Variants in ARRDC1 observed in about 807,000 individuals in gnomAD.
The protein encoded by ARRDC1 is arrestin domain-containing protein 1.
In ARRDC1, 37 loss-of-function variants were observed where a neutral mutation model predicts 40.1. That is an observed-to-expected ratio of 0.92 (90% CI 0.71 to 1.21). The LOEUF (loss-of-function observed/expected upper bound fraction) is 1.21, where lower values mean the gene tolerates loss of function less well. ARRDC1 is among the 50% of genes most tolerant of loss of function. The pLI is 0.00. For synonymous variants in ARRDC1, 310 were observed against 262.5 expected, an observed-to-expected ratio of 1.18 and a Z score of -1.75; for missense variants, 641 against 581.9, an observed-to-expected ratio of 1.10 and a Z score of -1.04.
At position 137,615,095 on chromosome 9, in the gene ARRDC1, A is replaced by AG. The variant is rs1842647961; in HGVS notation, c.1260dup (p.Ser421GlufsTer12). On this transcript the variant is annotated frameshift_variant, in exon 8 of 8. Coordinates refer to ENST00000371421, the MANE Select transcript of ARRDC1 (RefSeq NM_152285.4). LOFTEE classifies it high-confidence loss of function. ...GCAGAGGCCCCACCGTCTTATGAGCAGAGCTGCGGCGGCGTGGAACCCAGC... is the reference window on the plus strand; with the variant it reads ...GCAGAGGCCCCACCGTCTTATGAGCAGGAGCTGCGGCGGCGTGGAACCCAGC... 5 of 1,574,096 alleles carry AG rather than the reference A, an allele frequency of 3.2e-6. No individual in the cohort carries two copies. The highest frequency in any genetic ancestry group is 1.8e-5 in the Admixed American group (1 of 56,294).
At chr9:137,610,466 G>A (rs933524903) in intron 1 of ARRDC1, among the ~76,000 whole-genome samples, 1 of 152,038 alleles carries the variant, frequency 6.6e-6, no homozygotes, top group Non-Finnish European at 1.5e-5. Context: ...TGCGATCTCA[G>A]CTCACTGCAA....
intron 6 of ARRDC1, 30 bp from the exon 7 acceptor site, chr9:137,614,529 C>A: frequency 5.6e-6 from 9 of 1,612,990 alleles, no homozygotes; most frequent in Non-Finnish European, 7.6e-6. Context: ...TTGGCCCTGG[C>A]CCCTCATGCC....
chr9:137,610,859 G>A (rs1179441576), intron 1 of ARRDC1, among the ~76,000 whole-genome samples: 3 of 151,678 alleles, frequency 2.0e-5, no homozygotes, highest in Admixed American at 6.6e-5. Flanking sequence ...CACCGTGCCC[G>A]GCCTTTTTTG....
intron 1 of ARRDC1, among the ~76,000 whole-genome samples, chr9:137,606,045 G>A (rs1245081166): frequency 1.3e-5 from 2 of 151,802 alleles, no homozygotes; most frequent in Non-Finnish European, 2.9e-5. Flanking sequence ...TCGCCGAGGG[G>A]CGGCGGGGTC....
At chr9:137,612,778 C>T (rs995206907) in intron 1 of ARRDC1, 118 bp from the exon 2 acceptor site, 3 of 717,426 alleles carry the variant, frequency 4.2e-6, no homozygotes, top group African/African-American at 3.6e-5. Flanking sequence ...GCTCACTGGC[C>T]TTCCCAGGAC....
At position 137,614,226 on chromosome 9, in the gene ARRDC1, C is replaced by G. The variant is rs371069629; in HGVS notation, c.618+12C>G. On this transcript the variant is annotated intron_variant, in intron 5 of 7. Coordinates refer to ENST00000371421, the MANE Select transcript of ARRDC1 (RefSeq NM_152285.4). ...CCAGTCTGCTGCAGGTCAGAGCCCC[C>G]GCCAGTTGCCTGGACCGGCCTCCTG... 2 of 1,583,084 alleles carry G rather than the reference C, an allele frequency of 1.3e-6. No homozygotes were observed. Among genetic ancestry groups the G allele is most frequent in the Non-Finnish European group, 1.7e-6 (2 of 1,160,842 alleles).
Position 137,613,787 on chromosome 9 carries a change from A to T in ARRDC1, c.435+18A>T. ...ACATTGAGGTGAGGATGGCACAGTG[A>T]CCTCCTTGGTGGGTCCCCACCCTCA... On this transcript the variant is annotated intron_variant, in intron 4 of 7. Coordinates refer to ENST00000371421, the MANE Select transcript of ARRDC1 (RefSeq NM_152285.4). The T allele has an allele frequency of 6.2e-7, 1 of 1,613,224 alleles. No individual in the cohort carries two copies. Among genetic ancestry groups the T allele is most frequent in the Non-Finnish European group, 8.5e-7 (1 of 1,179,496 alleles).
chr9:137,610,244 C>T (rs566545221), intron 1 of ARRDC1, among the ~76,000 whole-genome samples: 46 of 152,278 alleles, frequency 3.0e-4, no homozygotes, highest in African/African-American at 1.0e-3. Context: ...TATCTCACAG[C>T]GTTGTGGGTT....
intron 1 of ARRDC1, among the ~76,000 whole-genome samples, chr9:137,606,952 C>A (rs1023330078): frequency 6.6e-6 from 1 of 152,198 alleles, no homozygotes; most frequent in African/African-American, 2.4e-5. Flanking sequence ...AAGGGACGGC[C>A]CCGCGGTGCG....
At position 137,615,160 on chromosome 9, in the gene ARRDC1, C is replaced by A; in HGVS notation, c.*22C>A. The A allele has an allele frequency of 6.6e-7, 1 of 1,511,172 alleles. No individual in the cohort carries two copies. The highest frequency in any genetic ancestry group is 8.8e-7 in the Non-Finnish European group (1 of 1,131,214). The allele number at this position is 1,511,172 out of a possible 1,614,324, so 93.6% of individuals were successfully genotyped here. A position where few individuals can be genotyped will look rare whatever the true frequency, so the allele number is the denominator to read the frequency against. On this transcript the variant is annotated 3_prime_UTR_variant, in exon 8 of 8. Transcript: ENST00000371421. ...CTGACCCCGTGCTGCCTTCTCCAGGCAGGCCTGGCCTCTGCCCTGGGACTG... is the reference window on the plus strand; with the variant it reads ...CTGACCCCGTGCTGCCTTCTCCAGGAAGGCCTGGCCTCTGCCCTGGGACTG...
intron 1 of ARRDC1, 134 bp from the exon 2 acceptor site, chr9:137,612,762 C>T: frequency 1.5e-6 from 1 of 649,916 alleles, no homozygotes. Flanking sequence ...GTGGCATGGG[C>T]TGCTTGCTCA....
At chr9:137,613,289 C>T (rs769064752) in intron 2 of ARRDC1, 171 bp from the exon 3 acceptor site, 14 of 812,200 alleles carry the variant, frequency 1.7e-5, no homozygotes, top group Non-Finnish European at 2.6e-5. Flanking sequence ...AAGCTCTTAT[C>T]CTCAGTCCTT....
chr9:137,614,055 CAAG>C lies in ARRDC1; in HGVS notation c.463_465del (p.Lys155del), dbSNP rs777847543. On this transcript the variant is annotated inframe_deletion, in exon 5 of 8. Coordinates refer to ENST00000371421, the MANE Select transcript of ARRDC1 (RefSeq NM_152285.4). ...AGCAACCCAACGTGGCCTCTGCCAC[CAAG>C]AAGTTCTCCTACAAGCTGGTGAAGA... 5.6e-6 allele frequency: 9 copies of C among 1,613,718 alleles called. No homozygotes were observed. Among genetic ancestry groups the C allele is most frequent in the East Asian group, 4.5e-5 (2 of 44,894 alleles).
chr9:137,609,359 C>T (rs1396790457), intron 1 of ARRDC1, among the ~76,000 whole-genome samples: 3 of 152,076 alleles, frequency 2.0e-5, no homozygotes, highest in Non-Finnish European at 4.4e-5. Context: ...CTCAGACTCC[C>T]GAGTAGCTGG....
rs767794828 is a variant in ARRDC1 at position 137,614,048 on chromosome 9, C to G, written c.452C>G (p.Ser151Cys). Residue 151 changes from serine (S) to cysteine (C), a missense_variant, in exon 5 of 8, where the codon TCT (serine) becomes TGT (cysteine). Coordinates refer to ENST00000371421, the MANE Select transcript of ARRDC1 (RefSeq NM_152285.4). ...CCCCCCAAGCAACCCAACGTGGCCT[C>G]TGCCACCAAGAAGTTCTCCTACAAG... is the stretch of plus-strand genomic sequence containing the variant. ...IPDIEQPNVA[S>C]ATKKFSYKLV... 26 of 1,613,688 alleles carry G rather than the reference C, an allele frequency of 1.6e-5. No individual in the cohort carries two copies. The highest frequency in any genetic ancestry group is 8.5e-7 in the Non-Finnish European group (1 of 1,179,992).
chr9:137,613,790 T>C, intron 4 of ARRDC1, 21 bp downstream of exon 4: 1 of 1,613,122 alleles, frequency 6.2e-7, no homozygotes, highest in African/African-American at 1.3e-5. Context: ...CACAGTGACC[T>C]CCTTGGTGGG....
At chr9:137,607,027 C>G (rs1053365496) in intron 1 of ARRDC1, among the ~76,000 whole-genome samples, 11 of 152,234 alleles carry the variant, frequency 7.2e-5, no homozygotes, top group Non-Finnish European at 1.5e-4. Flanking sequence ...GTTGAATGCT[C>G]ACGCCTGTAA....
At chr9:137,611,229 G>A (rs1382311259) in intron 1 of ARRDC1, among the ~76,000 whole-genome samples, 2 of 152,154 alleles carry the variant, frequency 1.3e-5, no homozygotes, top group Admixed American at 1.3e-4. Context: ...GCCCGAGGAG[G>A]GCCTGGCTAA....
intron 1 of ARRDC1, among the ~76,000 whole-genome samples, chr9:137,608,084 G>T (rs1588984200): frequency 6.6e-6 from 1 of 152,084 alleles, no homozygotes; most frequent in African/African-American, 2.4e-5. Context: ...CCCGGTTCAC[G>T]CCATTCTCCT....
Sources: allele counts gnomAD v4.1 joint callset (sites outside exome capture counted in the v4.1 genomes callset), GRCh38; gene constraint gnomAD v4.1.1; transcripts MANE v1.5; gene names NCBI Gene and HGNC (gene_info 2026-07-23, HGNC 2026-07-21).